DTWD2: variants seen among roughly 807,000 people sequenced by gnomAD.
DTWD2 encodes the protein tRNA-uridine aminocarboxypropyltransferase 2.
In DTWD2, 39 loss-of-function variants were observed where a neutral mutation model predicts 31.8. The observed-to-expected ratio is 1.22, with a 90% CI of 0.95 to 1.60. The LOEUF (loss-of-function observed/expected upper bound fraction) is 1.60, where lower values mean the gene tolerates loss of function less well. DTWD2 is among the 40% of genes most tolerant of loss of function. The pLI is 0.00. For synonymous variants in DTWD2, 180 were observed against 142.8 expected, an observed-to-expected ratio of 1.26 and a Z score of -1.86; for missense variants, 515 against 381.5, an observed-to-expected ratio of 1.35 and a Z score of -2.92.
At chr5:118,880,790 G>A (rs998984221) in intron 4 of DTWD2, among the ~76,000 whole-genome samples, 6 of 152,108 alleles carry the variant, frequency 3.9e-5, no homozygotes, top group East Asian at 3.9e-4. Flanking sequence ...CAAAAGTCAC[G>A]GCTAAACTTA....
intron 4 of DTWD2, among the ~76,000 whole-genome samples, chr5:118,893,808 C>T (rs954579986): frequency 6.6e-6 from 1 of 152,074 alleles, no homozygotes; most frequent in African/African-American, 2.4e-5. Context: ...CTCTAGAATC[C>T]GGGAACAGCC....
At position 118,927,124 on chromosome 5, in the gene DTWD2, T is replaced by C. The variant is rs186550356; in HGVS notation, c.597+1413A>G. Among the ~76,000 whole-genome samples, 11 of 152,168 alleles carry C rather than the reference T, an allele frequency of 7.2e-5. No individual in the cohort carries two copies. In the East Asian group the frequency reaches 1.2e-3, roughly 16 times the overall value. On this transcript the variant is annotated intron_variant, in intron 4 of 5. Coordinates refer to ENST00000510708, the MANE Select transcript of DTWD2 (RefSeq NM_173666.4). ...AGAGAGACAGAGAGCAAAAAGGAAG[T>C]ATCTCTCATGTCTCTTCTTCTAAAG...
chr5:118,937,783 T>C (rs1405656680), intron 3 of DTWD2, among the ~76,000 whole-genome samples: 1 of 152,072 alleles, frequency 6.6e-6, no homozygotes, highest in Non-Finnish European at 1.5e-5. Context: ...AATCCCCTGT[T>C]GTTTCCAGAC....
chr5:118,894,198 T>C (rs920338094), intron 4 of DTWD2, among the ~76,000 whole-genome samples: 16 of 152,196 alleles, frequency 1.1e-4, no homozygotes, highest in African/African-American at 3.9e-4. Context: ...AATCCACTTT[T>C]AAACTCTGAT....
rs568361313 is a variant in DTWD2, at chr5:118,951,997, C to T, written c.219-7348G>A. Among the ~76,000 whole-genome samples, 192 of 151,856 alleles carry T rather than the reference C, an allele frequency of 1.3e-3. 1 individual carries two copies. The highest frequency in any genetic ancestry group is 2.3e-3 in the Non-Finnish European group (159 of 67,942). On this transcript the variant is annotated intron_variant, in intron 1 of 5. Coordinates refer to ENST00000510708, the MANE Select transcript of DTWD2 (RefSeq NM_173666.4). ...ATAAAACGCGTCTCCTCTGTCTCTA[C>T]CAGAAAAAGAAAGGAACTGAAATTA...
At chr5:118,975,792 G>C (rs950278461) in intron 1 of DTWD2, among the ~76,000 whole-genome samples, 1 of 152,130 alleles carries the variant, frequency 6.6e-6, no homozygotes, top group African/African-American at 2.4e-5. Context: ...CAATGAGACA[G>C]AAAATTAAAA....
At chr5:118,926,319 A>G (rs1399368204) in intron 4 of DTWD2, among the ~76,000 whole-genome samples, 1 of 152,184 alleles carries the variant, frequency 6.6e-6, no homozygotes, top group Admixed American at 6.5e-5. Flanking sequence ...AAATTCCGTT[A>G]TGTTCTCACT....
chr5:118,966,341 T>G (rs1364206642), intron 1 of DTWD2, among the ~76,000 whole-genome samples: 1 of 152,178 alleles, frequency 6.6e-6, no homozygotes, highest in Non-Finnish European at 1.5e-5. Context: ...TCATAAAGGG[T>G]TATGAGGAAT....
At chr5:118,972,382 T>C (rs1755006745) in intron 1 of DTWD2, among the ~76,000 whole-genome samples, 1 of 152,124 alleles carries the variant, frequency 6.6e-6, no homozygotes. Flanking sequence ...GAGAAATGGA[T>C]AAATTCCTAG....
chr5:118,978,922 C>T (rs1236169797), intron 1 of DTWD2, among the ~76,000 whole-genome samples: 1 of 151,252 alleles, frequency 6.6e-6, no homozygotes, highest in African/African-American at 2.4e-5. Flanking sequence ...AGGAGGAATG[C>T]TTGAGCCGGG....
At chr5:118,856,764 CTTTTT>C (rs68175368) in intron 4 of DTWD2, among the ~76,000 whole-genome samples, 1 of 44,342 alleles carries the variant, frequency 2.3e-5, no homozygotes, top group Admixed American at 3.7e-4. Flanking sequence ...TTGAGGCTTA[CTTTTT>C]TTTTTTTTTT....
intron 4 of DTWD2, among the ~76,000 whole-genome samples, chr5:118,926,487 A>G (rs1001125204): frequency 1.3e-5 from 2 of 152,144 alleles, no homozygotes; most frequent in African/African-American, 4.8e-5. Context: ...ATTCACCACT[A>G]CAGAATTCAT....
intron 4 of DTWD2, among the ~76,000 whole-genome samples, chr5:118,883,364 T>C (rs1388886959): frequency 6.6e-6 from 1 of 152,216 alleles, no homozygotes; most frequent in African/African-American, 2.4e-5. Context: ...TCCTGTCTTT[T>C]TCTGAGCCCT....
rs145507685 is a variant in DTWD2 at position 118,837,165 on chromosome 5, C to T, written c.*3752G>A. On this transcript the variant is annotated 3_prime_UTR_variant, in exon 6 of 6. Coordinates refer to ENST00000510708, the MANE Select transcript of DTWD2 (RefSeq NM_173666.4). ...AGGTGATGAAAGAGGGAGAGGAAGA[C>T]CCTGGGAAGGAGGAAGAAAGTGTGA... is the stretch of plus-strand genomic sequence containing the variant. Among the ~76,000 whole-genome samples, 2,022 of 151,984 alleles carry T rather than the reference C, an allele frequency of 0.013. 49 individuals carry two copies. The highest frequency in any genetic ancestry group is 0.046 in the African/African-American group (1,920 of 41,418).
intron 1 of DTWD2, among the ~76,000 whole-genome samples, chr5:118,984,132 C>G (rs549110307): frequency 6.6e-6 from 1 of 152,102 alleles, no homozygotes; most frequent in Non-Finnish European, 1.5e-5. Flanking sequence ...ACTAAAAATA[C>G]AAAATTAGTG....
At chr5:118,950,558 C>A (rs557436874) in intron 1 of DTWD2, among the ~76,000 whole-genome samples, 164 of 152,256 alleles carry the variant, frequency 1.1e-3, no homozygotes, top group South Asian at 5.2e-3. Context: ...GGCTGCCGGG[C>A]AAGTTGGACA....
chr5:118,965,790 C>T (rs912631839), intron 1 of DTWD2, among the ~76,000 whole-genome samples: 2 of 152,150 alleles, frequency 1.3e-5, no homozygotes, highest in Non-Finnish European at 2.9e-5. Flanking sequence ...CCCAGGGATA[C>T]AAACATTGCG....
intron 1 of DTWD2, among the ~76,000 whole-genome samples, chr5:118,950,484 A>C (rs1372674124): frequency 6.6e-6 from 1 of 152,166 alleles, no homozygotes; most frequent in Non-Finnish European, 1.5e-5. Context: ...TTCAGCTGCT[A>C]AGCCGAGAAG....
At position 118,836,101 on chromosome 5, in the gene DTWD2, A is replaced by G. The variant is rs1751555531; in HGVS notation, c.*4816T>C. ...CTTTTAAAAAATGTTTTAATTCTTTAATATACTTCTAAGTAACAATAACAG... is the reference window on the plus strand; with the variant it reads ...CTTTTAAAAAATGTTTTAATTCTTTGATATACTTCTAAGTAACAATAACAG... On this transcript the variant is annotated 3_prime_UTR_variant, in exon 6 of 6. Transcript: ENST00000510708. Among the ~76,000 whole-genome samples the G allele has an allele frequency of 6.6e-6, 1 of 152,212 alleles. No individual in the cohort carries two copies. The highest frequency in any genetic ancestry group is 2.1e-4 in the South Asian group (1 of 4,834).
Sources: allele counts gnomAD v4.1 joint callset (sites outside exome capture counted in the v4.1 genomes callset), GRCh38; gene constraint gnomAD v4.1.1; transcripts MANE v1.5; gene names NCBI Gene and HGNC (gene_info 2026-07-23, HGNC 2026-07-21).